FRMD4B: variants seen among roughly 807,000 people sequenced by gnomAD.
FRMD4B encodes FERM domain-containing protein 4B.
Under a neutral mutation model 141.5 loss-of-function variants are expected in FRMD4B, and 74 were observed. That is an observed-to-expected ratio of 0.52 (90% confidence interval 0.43 to 0.63). The LOEUF is 0.63. FRMD4B is among the 30% of genes least tolerant of loss of function. The probability of loss-of-function intolerance (pLI) is 0.00; values close to 1 mark genes in which losing one functional copy is unlikely to be tolerated. For missense variants in FRMD4B, 1,366 were observed against 1,253.4 expected, an observed-to-expected ratio of 1.09 and a Z score of -1.36; for synonymous variants, 506 against 467.9, an observed-to-expected ratio of 1.08 and a Z score of -1.05.
intron 4 of FRMD4B, among the ~76,000 whole-genome samples, chr3:69,301,086 T>C (rs1351903659): frequency 6.6e-6 from 1 of 152,118 alleles, no homozygotes; most frequent in East Asian, 1.9e-4. Flanking sequence ...AATGCTTAAA[T>C]AAATAGATTT....
At chr3:69,390,880 G>A (rs750846604), upstream of FRMD4B, among the ~76,000 whole-genome samples, 7 of 152,000 alleles carry the variant, frequency 4.6e-5, no homozygotes, top group Non-Finnish European at 8.8e-5. Context: ...GCAACAGAGC[G>A]AGATTCTGTC....
At chr3:69,340,429 G>A (rs572407865) in intron 1 of FRMD4B, among the ~76,000 whole-genome samples, 7 of 152,212 alleles carry the variant, frequency 4.6e-5, no homozygotes, top group East Asian at 1.9e-4. Flanking sequence ...GGTTTTCTGC[G>A]TTAATTTGCT....
chr3:69,427,641 ATGTTTTTT>A (rs1705105576), intron 2 of FRMD4B, among the ~76,000 whole-genome samples: 2 of 74,570 alleles, frequency 2.7e-5, no homozygotes, highest in South Asian at 4.5e-4. Context: ...AGCTAGGTAA[ATGTTTTTT>A]TTTTTTTTTT....
chr3:69,386,036 C>A lies in FRMD4B; in HGVS notation c.-47G>T. The A allele has an allele frequency of 7.0e-7, 1 of 1,430,826 alleles. No individual in the cohort carries two copies. The highest frequency in any genetic ancestry group is 1.5e-5 in the South Asian group (1 of 66,542). 88.6% of individuals were successfully genotyped at this position (1,430,826 alleles called of 1,614,324 possible). On this transcript the variant is annotated 5_prime_UTR_variant, in exon 1 of 23. Coordinates refer to ENST00000398540, the MANE Select transcript of FRMD4B (RefSeq NM_015123.3). ...CCGGGCGTCCCGGCTCTCGTACGTGCAGCCCCGACCCCAGCGGCCTGCCCG... is the reference window on the plus strand; with the variant it reads ...CCGGGCGTCCCGGCTCTCGTACGTGAAGCCCCGACCCCAGCGGCCTGCCCG...
At chr3:69,500,436 G>A (rs1032398061) in intron 1 of FRMD4B, among the ~76,000 whole-genome samples, 8 of 152,124 alleles carry the variant, frequency 5.3e-5, no homozygotes, top group African/African-American at 1.9e-4. Flanking sequence ...TTGACACTTG[G>A]TAAAGTGTCC....
At chr3:69,425,088 T>C (rs998278060) in intron 2 of FRMD4B, among the ~76,000 whole-genome samples, 2 of 152,198 alleles carry the variant, frequency 1.3e-5, no homozygotes, top group African/African-American at 4.8e-5. Flanking sequence ...TTTAAAAGGC[T>C]TTCATCTCTT....
chr3:69,232,757 G>A (rs1215840874), intron 7 of FRMD4B, among the ~76,000 whole-genome samples: 3 of 152,050 alleles, frequency 2.0e-5, no homozygotes, highest in Admixed American at 6.6e-5. Context: ...GTAGAAGGGA[G>A]TGCAGGCAGT....
At chr3:69,536,531 G>C (rs550292668) in intron 1 of FRMD4B, 2 of 695,636 alleles carry the variant, frequency 2.9e-6, no homozygotes, top group Non-Finnish European at 5.3e-6. Context: ...ACCACCGTGC[G>C]GGGGGTGGGG....
chr3:69,378,925 C>G (rs1444928227), intron 1 of FRMD4B, among the ~76,000 whole-genome samples: 2 of 152,138 alleles, frequency 1.3e-5, no homozygotes, highest in Non-Finnish European at 2.9e-5. Flanking sequence ...GAGTCACTCC[C>G]TCCAGGAAGC....
intron 14 of FRMD4B, 55 bp downstream of exon 14, chr3:69,196,200 G>GA: frequency 2.1e-6 from 3 of 1,447,806 alleles, no homozygotes; most frequent in East Asian, 2.5e-5. Context: ...GTTTATGACC[G>GA]AAAAAACAAA....
At chr3:69,529,479 G>T (rs1019923738) in intron 1 of FRMD4B, among the ~76,000 whole-genome samples, 1 of 151,992 alleles carries the variant, frequency 6.6e-6, no homozygotes, top group Non-Finnish European at 1.5e-5. Flanking sequence ...ACTTGTCTGG[G>T]ATCTGCAACC....
At chr3:69,471,232 G>C (rs1414371950) in intron 1 of FRMD4B, among the ~76,000 whole-genome samples, 2 of 152,094 alleles carry the variant, frequency 1.3e-5, no homozygotes, top group Non-Finnish European at 2.9e-5. Context: ...CTAAGTCCCA[G>C]CCTCATTCCT....
Position 69,171,771 on chromosome 3 carries a change from T to C in FRMD4B, c.*90A>G. The C allele has an allele frequency of 7.3e-7, 1 of 1,362,310 alleles. No homozygotes were observed. Among genetic ancestry groups the C allele is most frequent in the Non-Finnish European group, 1.0e-6 (1 of 972,568 alleles). The allele number at this position is 1,362,310 out of a possible 1,614,324, so 84.4% of individuals were successfully genotyped here. ...TCAACCTTTGATGTCTTTAGGTTTC[T>C]AAAACGAACATCCTCTCGGAAGACA... On this transcript the variant is annotated 3_prime_UTR_variant, in exon 23 of 23. Coordinates refer to ENST00000398540, the MANE Select transcript of FRMD4B (RefSeq NM_015123.3).
intron 2 of FRMD4B, among the ~76,000 whole-genome samples, chr3:69,430,101 T>A (rs1290555558): frequency 5.9e-5 from 9 of 152,128 alleles, no homozygotes; most frequent in Non-Finnish European, 1.5e-5. Context: ...GAGAATGGTA[T>A]TCTAGTACAA....
intron 11 of FRMD4B, among the ~76,000 whole-genome samples, chr3:69,213,761 C>T (rs1271333417): frequency 6.6e-6 from 1 of 151,466 alleles, no homozygotes; most frequent in African/African-American, 2.4e-5. Flanking sequence ...CTCCCAGGCT[C>T]AAGTGATCCT....
chr3:69,200,674 C>A, intron 11 of FRMD4B: 1 of 1,253,606 alleles, frequency 8.0e-7, no homozygotes. Context: ...GGCAGATTTT[C>A]CCAGAAAAGA....
In FRMD4B at chr3:69,509,967, GCTT is replaced by G. The variant is rs1166856532; in HGVS notation, c.-129+32236_-129+32238del. On this transcript the variant is annotated intron_variant, in intron 1 of 5. Coordinates refer to the FRMD4B transcript ENST00000459638. ...CACTCTACTATGGAGTATAAACAGA[GCTT>G]CTACATGCACTGGGAAATCAAAAAA... 1.6e-4 allele frequency among the ~76,000 whole-genome samples: 24 copies of G among 151,260 alleles called. No homozygotes were observed. The East Asian group carries it at 4.2e-3, about 26-fold the overall frequency.
At chr3:69,264,835 T>C (rs1278568465) in intron 5 of FRMD4B, among the ~76,000 whole-genome samples, 1 of 152,142 alleles carries the variant, frequency 6.6e-6, no homozygotes, top group African/African-American at 2.4e-5. Context: ...GACATGAGCA[T>C]TATGACCAAA....
rs2093609728 is a variant in FRMD4B at position 69,274,606 on chromosome 3, C to T, written c.501+13146G>A. ...CCATCTCAGCTCACTGCAACCTCTGCTTCCCCAGTTCAAGCAATTCTCGTG... is the reference window on the plus strand; with the variant it reads ...CCATCTCAGCTCACTGCAACCTCTGTTTCCCCAGTTCAAGCAATTCTCGTG... On this transcript the variant is annotated intron_variant, in intron 5 of 22. Transcript: ENST00000398540. 4.6e-5 allele frequency among the ~76,000 whole-genome samples: 7 copies of T among 152,282 alleles called. No homozygotes were observed. In the South Asian group the frequency reaches 1.4e-3, roughly 32 times the overall value.
Sources: allele counts gnomAD v4.1 joint callset (sites outside exome capture counted in the v4.1 genomes callset), GRCh38; gene constraint gnomAD v4.1.1; transcripts MANE v1.5; gene names NCBI Gene and HGNC (gene_info 2026-07-23, HGNC 2026-07-21).